Variants in SVEP1 observed in about 807,000 individuals in gnomAD.
SVEP1 encodes sushi, von Willebrand factor type A, EGF and pentraxin domain containing 1.
SVEP1 carries 164 observed loss-of-function variants against 367.3 expected under a neutral mutation model. The ratio of observed to expected loss-of-function variants is 0.45; its 90% confidence interval spans 0.39 to 0.51. The LOEUF (loss-of-function observed/expected upper bound fraction) is 0.51, where lower values mean the gene tolerates loss of function less well. SVEP1 is among the 20% of genes least tolerant of loss of function. The pLI is 0.00. For synonymous variants in SVEP1, 1,666 were observed against 1,611.6 expected (o/e 1.03, Z -0.81); for missense variants, 4,117 against 4,425.3 (o/e 0.93, Z 1.98).
intron 43 of SVEP1, 87 bp from the exon 44 acceptor site, chr9:110,379,604 AAAAAT>A: frequency 7.3e-7 from 1 of 1,362,346 alleles, no homozygotes; most frequent in Non-Finnish European, 1.0e-6. Flanking sequence ...ATTAAAGAGC[AAAAAT>A]AAAATACATA....
At chr9:110,518,227 A>G (rs1025002748) in intron 3 of SVEP1, among the ~76,000 whole-genome samples, 1 of 152,088 alleles carries the variant, frequency 6.6e-6, no homozygotes, top group African/African-American at 2.4e-5. Context: ...GTTCGAGACT[A>G]GCCTGGCCAA....
intron 40 of SVEP1, among the ~76,000 whole-genome samples, chr9:110,392,135 A>T (rs10759427): frequency 0.45 from 49,091 of 109,638 alleles, 9,700 homozygotes; most frequent in Middle Eastern, 0.55. Context: ...ATTCCTCATT[A>T]TATATATATA....
At chr9:110,502,726 G>A (rs1469512455) in intron 6 of SVEP1, among the ~76,000 whole-genome samples, 2 of 152,130 alleles carry the variant, frequency 1.3e-5, no homozygotes, top group Non-Finnish European at 2.9e-5. Context: ...AGGGTATTAT[G>A]AGGCATTTGC....
chr9:110,416,282 G>A (rs1471426738), intron 36 of SVEP1, among the ~76,000 whole-genome samples: 1 of 151,472 alleles, frequency 6.6e-6, no homozygotes, highest in Non-Finnish European at 1.5e-5. Context: ...AAGGACAAAA[G>A]AAAGACTCAA....
chr9:110,397,898 A>G (rs1401941989), intron 40 of SVEP1, among the ~76,000 whole-genome samples: 4 of 151,928 alleles, frequency 2.6e-5, no homozygotes, highest in Admixed American at 2.0e-4. Flanking sequence ...AATCAATATC[A>G]TGAAAATGGC....
At chr9:110,447,371 A>G (rs1828619564) in intron 24 of SVEP1, among the ~76,000 whole-genome samples, 1 of 152,254 alleles carries the variant, frequency 6.6e-6, no homozygotes, top group Non-Finnish European at 1.5e-5. Flanking sequence ...ATGCTGTTCT[A>G]AAGGCTTTTA....
chr9:110,466,585 C>T (rs1205115090), intron 17 of SVEP1, among the ~76,000 whole-genome samples: 2 of 151,114 alleles, frequency 1.3e-5, no homozygotes, highest in African/African-American at 4.9e-5. Context: ...GGTGAAACCC[C>T]GTCTCTACTA....
chr9:110,432,390 C>T, intron 31 of SVEP1, 72 bp downstream of exon 31: 1 of 1,518,644 alleles, frequency 6.6e-7, no homozygotes, highest in Non-Finnish European at 8.8e-7. Context: ...TCAAGAACCT[C>T]AGGAATTTGG....
chr9:110,407,367 G>C lies in SVEP1; in HGVS notation c.8233C>G (p.Pro2745Ala). 1 of 1,613,946 alleles carries C rather than the reference G, an allele frequency of 6.2e-7. No individual in the cohort carries two copies. Among genetic ancestry groups the C allele is most frequent in the African/African-American group, 1.3e-5 (1 of 75,016 alleles). Residue 2745 changes from proline to alanine, a missense_variant, in exon 38 of 48, where the codon CCT becomes GCT. Physicochemically the swap from Pro to Ala is conservative, Grantham distance 27. Coordinates refer to ENST00000374469, the MANE Select transcript of SVEP1 (RefSeq NM_153366.4). ...MGSAVQYSCKPGHILAGSDLR... is the reference protein window; with the variant it reads ...MGSAVQYSCKAGHILAGSDLR... ...TCAGAGCCTGCTAGAATGTGTCCAG[G>C]TTTACAGCTATACTGCACAGCACTT...
chr9:110,437,156 T>C (rs527545737), intron 27 of SVEP1, among the ~76,000 whole-genome samples: 1 of 152,238 alleles, frequency 6.6e-6, no homozygotes, highest in African/African-American at 2.4e-5. Flanking sequence ...GTCTTCTCTT[T>C]GTTTCTGGCC....
intron 43 of SVEP1, among the ~76,000 whole-genome samples, chr9:110,384,329 T>G (rs1402455595): frequency 6.6e-6 from 1 of 152,072 alleles, no homozygotes; most frequent in Non-Finnish European, 1.5e-5. Context: ...ACCTTGCTTT[T>G]TCTCGCTTTC....
chr9:110,386,165 G>A, intron 42 of SVEP1, 91 bp from the exon 43 acceptor site: 2 of 1,386,830 alleles, frequency 1.4e-6, no homozygotes, highest in East Asian at 2.4e-5. Context: ...TATAAGAGAT[G>A]GGTTCTCAAT....
chr9:110,567,387 A>G (rs1377142211), intron 1 of SVEP1, among the ~76,000 whole-genome samples: 3 of 152,228 alleles, frequency 2.0e-5, no homozygotes. Flanking sequence ...AATTCCCACA[A>G]GAACAATACT....
intron 40 of SVEP1, among the ~76,000 whole-genome samples, chr9:110,392,488 A>G (rs1827676556): frequency 6.6e-6 from 1 of 152,146 alleles, no homozygotes; most frequent in Admixed American, 6.6e-5. Flanking sequence ...GAGACACATA[A>G]TGTCTGGTTG....
Position 110,408,929 on chromosome 9 carries a change from T to C in SVEP1, c.6671A>G (p.Glu2224Gly), listed in dbSNP as rs922834152. 1 of 1,590,756 alleles carries C rather than the reference T, an allele frequency of 6.3e-7. No homozygotes were observed. Among genetic ancestry groups the C allele is most frequent in the Non-Finnish European group, 8.6e-7 (1 of 1,168,496 alleles). ...FLEHTTGRIFESEVRYQCNPG... is the reference protein window; with the variant it reads ...FLEHTTGRIFGSEVRYQCNPG... ...GTTACACTGATACCTCACTTCACTC[T>C]CAAAGATCCTGCCAGTTGTATGCTG... Residue 2224 changes from glutamate to glycine, a missense_variant, in exon 38 of 48, where the codon GAG becomes GGG. Transcript: ENST00000374469.
intron 6 of SVEP1, among the ~76,000 whole-genome samples, chr9:110,500,337 G>T (rs1324855687): frequency 1.3e-5 from 2 of 152,172 alleles, no homozygotes; most frequent in Non-Finnish European, 2.9e-5. Flanking sequence ...TTTATTTACA[G>T]CTGGGCCTAT....
At chr9:110,423,942 G>A (rs769959564) in intron 36 of SVEP1, among the ~76,000 whole-genome samples, 1 of 152,160 alleles carries the variant, frequency 6.6e-6, no homozygotes, top group Non-Finnish European at 1.5e-5. Context: ...AAGAAACAAT[G>A]GGAAAACCTT....
In SVEP1 at chr9:110,527,169, T is replaced by C. The variant is rs73655395; in HGVS notation, c.965-13063A>G. On this transcript the variant is annotated intron_variant, in intron 3 of 47. Transcript: ENST00000374469. ...GATACTGTACTATAATATCTCAAGA[T>C]GTTACCATTGGGGAAAATGATATAG... Among the ~76,000 whole-genome samples, 813 of 152,196 alleles carry C rather than the reference T, an allele frequency of 5.3e-3. 4 individuals are homozygous for C. The highest frequency in any genetic ancestry group is 0.018 in the African/African-American group (749 of 41,566).
chr9:110,393,479 C>T (rs907378948), intron 40 of SVEP1, among the ~76,000 whole-genome samples: 7 of 152,196 alleles, frequency 4.6e-5, no homozygotes, highest in Admixed American at 3.9e-4. Context: ...GCATTTCCAA[C>T]TGAGGTACCG....
Sources: gnomAD v4.1 joint callset for allele counts (sites outside exome capture counted in the v4.1 genomes callset) on GRCh38, gnomAD v4.1.1 for gene constraint, MANE v1.5 for transcripts, NCBI Gene and HGNC (gene_info 2026-07-23, HGNC 2026-07-21) for gene names.